Variants in EML5 observed in about 807,000 individuals in gnomAD.
The protein encoded by EML5 is echinoderm microtubule-associated protein-like 5.
Under a neutral mutation model 250.0 loss-of-function variants are expected in EML5, and 120 were observed. The observed-to-expected ratio is 0.48, with a 90% CI of 0.41 to 0.56. EML5 has a LOEUF of 0.56. Ranked by LOEUF, EML5 falls within the 20% of genes least tolerant of loss-of-function variation. EML5 has a pLI of 0.00. For synonymous variants in EML5, 771 were observed against 806.5 expected, an observed-to-expected ratio of 0.96 and a Z score of 0.75; for missense variants, 2,006 against 2,437.6, an observed-to-expected ratio of 0.82 and a Z score of 3.73.
chr14:88,688,352 C>T lies in EML5; in HGVS notation c.2661G>A (p.Val887=), dbSNP rs1404843841. The change falls in exon 18 of 44, where the codon GTG becomes GTA. Residue 887 remains valine, a synonymous_variant. Coordinates refer to ENST00000554922, the MANE Select transcript of EML5 (RefSeq NM_183387.3). ...CAAGAAAGATGTCTCTCCAGATACA[C>T]ACATCTCCTGTGGATGTTCCAGAAA... ...MAFSGTSTGD[V]CIWRDIFLVK... 1.1e-5 allele frequency: 18 copies of T among 1,613,872 alleles called. No individual in the cohort carries two copies. The highest frequency in any genetic ancestry group is 1.7e-5 in the Admixed American group (1 of 60,006).
Position 88,703,005 on chromosome 14 carries a change from C to T in EML5, c.2052-373G>A, listed in dbSNP as rs147267213. On this transcript the variant is annotated intron_variant, in intron 13 of 43. Transcript: ENST00000554922. ...CCGGAGCTCTACCCACCTTGGCCTC[C>T]CAAAGTGCTGGGATTACAGGTGTAA... 1.1e-3 allele frequency among the ~76,000 whole-genome samples: 161 copies of T among 152,170 alleles called. 5 individuals are homozygous for T. The East Asian group carries it at 0.029, about 28-fold the overall frequency.
chr14:88,766,773 C>T (rs574231934), intron 1 of EML5, among the ~76,000 whole-genome samples: 8 of 152,232 alleles, frequency 5.3e-5, no homozygotes, highest in East Asian at 1.9e-4. Context: ...AGGGGCATCA[C>T]GGAACCTGCC....
At chr14:88,618,552 C>T (rs768342867) in intron 40 of EML5, 98 bp downstream of exon 40, 177 of 1,384,858 alleles carry the variant, frequency 1.3e-4, no homozygotes, top group African/African-American at 1.7e-4. Flanking sequence ...AGTTGAGAAG[C>T]TGGAGCTCTG....
intron 16 of EML5, 72 bp downstream of exon 16, chr14:88,695,289 T>C (rs2093051363): frequency 8.0e-7 from 1 of 1,250,312 alleles, no homozygotes; most frequent in East Asian, 2.6e-5. Context: ...CAAAATTCTT[T>C]TAATTAAAAA....
chr14:88,729,362 C>T (rs2093717219), intron 7 of EML5, among the ~76,000 whole-genome samples: 1 of 152,140 alleles, frequency 6.6e-6, no homozygotes, highest in African/African-American at 2.4e-5. Flanking sequence ...CAAGGGACAG[C>T]AAACCATGTC....
rs767336981 is a variant in EML5, at chr14:88,646,954, C to A, written c.4021G>T (p.Gly1341Cys). 6.3e-7 allele frequency: 1 copy of A among 1,592,476 alleles called. No individual in the cohort carries two copies. Among genetic ancestry groups the A allele is most frequent in the Admixed American group, 1.7e-5 (1 of 58,216 alleles). ...CAGCAAAGAGAGGATTACCTGGAACCTCTTTTCAGCAGCAGATAAAGAGGG... is the reference window on the plus strand; with the variant it reads ...CAGCAAAGAGAGGATTACCTGGAACATCTTTTCAGCAGCAGATAAAGAGGG... Reference protein sequence around the residue: ...SIDERQGVVRGSRPPVSRAPP... With the variant: ...SIDERQGVVRCSRPPVSRAPP... The change falls in exon 29 of 44, where the codon GGT becomes TGT. Residue 1341 changes from glycine to cysteine, a missense_variant and splice_region_variant. By Grantham distance (159) the Gly-to-Cys change is radical. Around this residue, in one of 7 missense-constraint regions of EML5, gnomAD observed 1,375 missense variants for 1,590.3 expected, o/e 0.86. Coordinates refer to ENST00000554922, the MANE Select transcript of EML5 (RefSeq NM_183387.3).
chr14:88,753,288 C>G (rs571253443), intron 2 of EML5, among the ~76,000 whole-genome samples: 1 of 152,230 alleles, frequency 6.6e-6, no homozygotes, highest in African/African-American at 2.4e-5. Flanking sequence ...ACCCTTGTTA[C>G]AAGTCCTGCA....
At chr14:88,721,747 C>G (rs1331344005) in intron 8 of EML5, among the ~76,000 whole-genome samples, 1 of 151,954 alleles carries the variant, frequency 6.6e-6, no homozygotes, top group Non-Finnish European at 1.5e-5. Context: ...GCAGCTGCAA[C>G]AAAACAAAAA....
chr14:88,792,053 C>T lies in EML5; in HGVS notation c.197+254G>A, dbSNP rs2094614188. On this transcript the variant is annotated intron_variant, in intron 1 of 43. Coordinates refer to ENST00000554922, the MANE Select transcript of EML5 (RefSeq NM_183387.3). The surrounding 1 kb of genome is among the most constrained non-coding windows in gnomAD (Gnocchi z 6.9). ...GATGGAGTGGGAAAGGGGACAAAGC[C>T]GTCAAACCGGGTGCCCGGTGGATCC... Among the ~76,000 whole-genome samples, 1 of 152,236 alleles carries T rather than the reference C, an allele frequency of 6.6e-6. No individual in the cohort carries two copies. Among genetic ancestry groups the T allele is most frequent in the South Asian group, 2.1e-4 (1 of 4,834 alleles).
chr14:88,747,600 T>C (rs1348155888), intron 2 of EML5, among the ~76,000 whole-genome samples: 1 of 152,108 alleles, frequency 6.6e-6, no homozygotes, highest in African/African-American at 2.4e-5. Flanking sequence ...ATAAGCTTAA[T>C]GTGCGAAATA....
intron 33 of EML5, among the ~76,000 whole-genome samples, chr14:88,633,317 T>C (rs570772023): frequency 6.6e-6 from 1 of 152,280 alleles, no homozygotes; most frequent in South Asian, 2.1e-4. Context: ...AGACAGGGTC[T>C]TGCTGTTGCC....
At chr14:88,774,857 T>C (rs548090043) in intron 1 of EML5, among the ~76,000 whole-genome samples, 5 of 152,346 alleles carry the variant, frequency 3.3e-5, no homozygotes, top group Admixed American at 6.5e-5. Flanking sequence ...CCCTGAATTA[T>C]AGACATGTAT....
intron 21 of EML5, among the ~76,000 whole-genome samples, chr14:88,666,315 C>T (rs946074428): frequency 7.9e-5 from 12 of 152,162 alleles, no homozygotes; most frequent in Non-Finnish European, 8.8e-5. Flanking sequence ...CAACCTCCGC[C>T]TCCTGGGTTC....
intron 9 of EML5, among the ~76,000 whole-genome samples, chr14:88,714,466 T>C (rs1248497917): frequency 6.6e-6 from 1 of 152,130 alleles, no homozygotes; most frequent in Non-Finnish European, 1.5e-5. Context: ...GAAGATCTAA[T>C]ATACAGCTTG....
At chr14:88,711,265 T>A (rs1291704198) in intron 10 of EML5, among the ~76,000 whole-genome samples, 1 of 150,766 alleles carries the variant, frequency 6.6e-6, no homozygotes, top group Non-Finnish European at 1.5e-5. Flanking sequence ...TCCTCATGTG[T>A]TGAAGGAGAG....
In EML5 at chr14:88,720,546, G is replaced by A. The variant is rs535629064; in HGVS notation, c.1188-5351C>T. ...AAAGACCATATGATTATCTTAATAG[G>A]TGCAGAAAACGCCTTTGATAAAATT... On this transcript the variant is annotated intron_variant, in intron 8 of 43. Transcript: ENST00000554922. Among the ~76,000 whole-genome samples the A allele has an allele frequency of 1.7e-3, 260 of 152,036 alleles. 1 individual carries two copies. Among genetic ancestry groups the A allele is most frequent in the African/African-American group, 6.1e-3 (252 of 41,474 alleles).
At chr14:88,657,318 A>T in intron 27 of EML5, 58 bp downstream of exon 27, 1 of 1,496,020 alleles carries the variant, frequency 6.7e-7, no homozygotes, top group Non-Finnish European at 9.0e-7. Context: ...TTAAATAATA[A>T]ATTCCATTTT....
In EML5 at chr14:88,644,441, G is replaced by T; in HGVS notation, c.4099C>A (p.Pro1367Thr). Residue 1367 changes from proline to threonine, a missense_variant, in exon 30 of 44, where the codon CCT (proline) becomes ACT (threonine). By Grantham distance (38) the Pro-to-Thr change is conservative. Coordinates refer to ENST00000554922, the MANE Select transcript of EML5 (RefSeq NM_183387.3). ...GAGTGAGTTTTCCTTACCTCTATAG[G>T]TCTCTTTTTCTTGCCTACATTGTTT... ...QTNNVGKKKR[P>T]IEDLVLELIF... 1 of 1,613,646 alleles carries T rather than the reference G, an allele frequency of 6.2e-7. No individual in the cohort carries two copies. Among genetic ancestry groups the T allele is most frequent in the Non-Finnish European group, 8.5e-7 (1 of 1,179,726 alleles).
chr14:88,738,073 A>G (rs2093872169), intron 6 of EML5, among the ~76,000 whole-genome samples: 1 of 152,142 alleles, frequency 6.6e-6, no homozygotes, highest in Admixed American at 6.5e-5. Context: ...GTACCTCACA[A>G]TGTTCTTGTG....
Sources: gnomAD v4.1 joint callset for allele counts (sites outside exome capture counted in the v4.1 genomes callset) on GRCh38, gnomAD v4.1.1 for gene constraint, gnomAD v4.1.1 regional missense constraint, Gnocchi (gnomAD v3.1) non-coding constraint, MANE v1.5 for transcripts, NCBI Gene and HGNC (gene_info 2026-07-23, HGNC 2026-07-21) for gene names.